The following RBMS3 variants were observed in gnomAD, a reference collection of about 807,000 sequenced individuals.
The protein encoded by RBMS3 is RNA binding motif single stranded interacting protein 3.
RBMS3 carries 27 observed loss-of-function variants against 66.8 expected under a neutral mutation model. That is an observed-to-expected ratio of 0.40 (90% CI 0.30 to 0.56). The LOEUF (loss-of-function observed/expected upper bound fraction) is 0.56. Among genes scored for constraint, RBMS3 ranks in the 20% least tolerant of loss-of-function variants. The probability of loss-of-function intolerance (pLI) is 0.40; values close to 1 mark genes in which losing one functional copy is unlikely to be tolerated. For synonymous variants in RBMS3, 188 were observed against 183.0 expected, an observed-to-expected ratio of 1.03 and a Z score of -0.22; for missense variants, 513 against 549.5, an observed-to-expected ratio of 0.93 and a Z score of 0.66.
At chr3:29,448,495 G>A (rs185539647) in intron 2 of RBMS3, among the ~76,000 whole-genome samples, 130 of 152,316 alleles carry the variant, frequency 8.5e-4, no homozygotes, top group African/African-American at 3.0e-3. Flanking sequence ...TAAAGCAAAA[G>A]GCTAGGATTT....
chr3:29,357,745 T>C (rs143462622), intron 1 of RBMS3, among the ~76,000 whole-genome samples: 28,304 of 152,018 alleles, frequency 0.19, 2,767 homozygotes, highest in East Asian at 0.25. Context: ...ACCATTCTAA[T>C]TGATGTGAGA....
At chr3:29,865,908 G>A (rs2059348970) in intron 6 of RBMS3, among the ~76,000 whole-genome samples, 1 of 152,036 alleles carries the variant, frequency 6.6e-6, no homozygotes, top group Admixed American at 6.6e-5. Context: ...TACAACTGCA[G>A]GTGTGTGACC....
chr3:29,362,544 G>A lies in RBMS3; in HGVS notation c.76-72199G>A, dbSNP rs551564968. ...TGCCCATTGTCAGATCTCACACTCC[G>A]TGCTGGGAGAACTACTACTCTCTTC... is the stretch of plus-strand genomic sequence containing the variant. On this transcript the variant is annotated intron_variant, in intron 1 of 14. Transcript: ENST00000383767. Among the ~76,000 whole-genome samples the A allele has an allele frequency of 1.9e-3, 295 of 152,254 alleles. 1 individual carries two copies. Among genetic ancestry groups the A allele is most frequent in the African/African-American group, 5.8e-3 (240 of 41,560 alleles).
At chr3:29,902,514 A>C (rs1429061022) in intron 10 of RBMS3, among the ~76,000 whole-genome samples, 1 of 151,780 alleles carries the variant, frequency 6.6e-6, no homozygotes, top group East Asian at 1.9e-4. Flanking sequence ...ATTGGTACTT[A>C]TTTCACTTAC....
At chr3:29,477,208 C>G (rs933772640) in intron 2 of RBMS3, among the ~76,000 whole-genome samples, 1 of 152,066 alleles carries the variant, frequency 6.6e-6, no homozygotes, top group Non-Finnish European at 1.5e-5. Context: ...AGCTCACTCT[C>G]TTAGTGGATG....
chr3:29,329,063 C>T (rs559576136), intron 1 of RBMS3, among the ~76,000 whole-genome samples: 38 of 152,068 alleles, frequency 2.5e-4, no homozygotes, highest in South Asian at 1.9e-3. Context: ...TTCTTTACTC[C>T]GAAATGTAAA....
At chr3:29,383,379 ATTTTGGCTATCAGT>A (rs2038861352) in intron 1 of RBMS3, among the ~76,000 whole-genome samples, 1 of 152,178 alleles carries the variant, frequency 6.6e-6, no homozygotes, top group African/African-American at 2.4e-5. Context: ...GAATGCAAAT[ATTTTGGCTATCAGT>A]CTTTCCTAAT....
At chr3:29,621,921 G>C (rs146339829) in intron 4 of RBMS3, among the ~76,000 whole-genome samples, 95 of 152,262 alleles carry the variant, frequency 6.2e-4, no homozygotes, top group African/African-American at 2.3e-3. Context: ...CGCTTTTGCT[G>C]TAGGAGAATC....
intron 1 of RBMS3, among the ~76,000 whole-genome samples, chr3:29,307,223 T>C (rs551117150): frequency 7.9e-5 from 12 of 151,924 alleles, no homozygotes; most frequent in Admixed American, 4.6e-4. Flanking sequence ...CAGCTGGTCA[T>C]AGAGCTCATC....
At chr3:29,956,606 C>G (rs989066467) in intron 12 of RBMS3, among the ~76,000 whole-genome samples, 5 of 152,060 alleles carry the variant, frequency 3.3e-5, no homozygotes, top group Admixed American at 2.0e-4. Context: ...GGAGGTAATA[C>G]TAGGCTAGTC....
At chr3:29,842,142 T>G (rs551854292) in intron 6 of RBMS3, among the ~76,000 whole-genome samples, 1 of 152,286 alleles carries the variant, frequency 6.6e-6, no homozygotes, top group African/African-American at 2.4e-5. Context: ...GTTCCTAAGT[T>G]AAAAGATTTT....
intron 2 of RBMS3, among the ~76,000 whole-genome samples, chr3:29,472,538 C>T (rs917374002): frequency 6.6e-6 from 1 of 152,064 alleles, no homozygotes; most frequent in African/African-American, 2.4e-5. Context: ...GTGAGTGTTA[C>T]AACTCTTAAG....
intron 2 of RBMS3, among the ~76,000 whole-genome samples, chr3:29,437,266 A>G (rs1001876107): frequency 6.6e-6 from 1 of 152,244 alleles, no homozygotes; most frequent in Non-Finnish European, 1.5e-5. Context: ...AAGCTGCTGT[A>G]TGAACACACC....
rs190263559 is a variant in RBMS3, at chr3:29,870,730, C to A, written c.744+1766C>A. Among the ~76,000 whole-genome samples, 9 of 152,152 alleles carry A rather than the reference C, an allele frequency of 5.9e-5. No homozygotes were observed. In the East Asian group the frequency reaches 1.7e-3, roughly 29 times the overall value. ...TAAACGTAGGTTTTAAAGGTATATT[C>A]CTAATCTTTGTTTTCAAAAGTTGAT... On this transcript the variant is annotated intron_variant, in intron 7 of 14. Coordinates refer to ENST00000383767, the MANE Select transcript of RBMS3 (RefSeq NM_001003793.3).
intron 1 of RBMS3, among the ~76,000 whole-genome samples, chr3:29,338,698 C>T (rs1461534651): frequency 1.8e-5 from 2 of 114,208 alleles, no homozygotes; most frequent in African/African-American, 7.2e-5. Context: ...CTCCTCTCCT[C>T]CTCCTCTCCT....
chr3:29,909,262 C>G (rs1356652575), intron 10 of RBMS3, among the ~76,000 whole-genome samples: 1 of 152,032 alleles, frequency 6.6e-6, no homozygotes, highest in Non-Finnish European at 1.5e-5. Context: ...AATCCCAGTA[C>G]TATTGTTCAG....
intron 1 of RBMS3, among the ~76,000 whole-genome samples, chr3:29,394,613 G>A (rs1012885753): frequency 6.6e-6 from 1 of 152,112 alleles, no homozygotes; most frequent in Non-Finnish European, 1.5e-5. Context: ...ATTAATTTGG[G>A]GAACTAATAA....
At chr3:29,402,939 C>T (rs368494614) in intron 1 of RBMS3, among the ~76,000 whole-genome samples, 2 of 151,718 alleles carry the variant, frequency 1.3e-5, no homozygotes, top group Non-Finnish European at 1.5e-5. Flanking sequence ...TGATCATATA[C>T]AATAGTTATC....
intron 4 of RBMS3, among the ~76,000 whole-genome samples, chr3:29,588,269 C>T (rs73046548): frequency 0.11 from 17,188 of 151,996 alleles, 1,207 homozygotes; most frequent in Non-Finnish European, 0.16. Context: ...ACTTATTTAT[C>T]TCTAGATTCT....
Sources: gnomAD v4.1 joint callset for allele counts (sites outside exome capture counted in the v4.1 genomes callset) on GRCh38, gnomAD v4.1.1 for gene constraint, MANE v1.5 for transcripts, NCBI Gene and HGNC (gene_info 2026-07-23, HGNC 2026-07-21) for gene names.